The following KCNH8 variants were observed in gnomAD, a reference collection of about 807,000 sequenced individuals.
The protein encoded by KCNH8 is potassium voltage-gated channel subfamily H member 8.
KCNH8 carries 70 observed loss-of-function variants against 103.6 expected under a neutral mutation model. That is an observed-to-expected ratio of 0.68 (90% CI 0.56 to 0.82). The LOEUF is 0.82. Among genes scored for constraint, KCNH8 ranks in the 40% least tolerant of loss-of-function variants. The pLI, the probability that KCNH8 is intolerant of heterozygous loss-of-function variation, is 0.00. For missense variants in KCNH8, 1,217 were observed against 1,329.9 expected (o/e 0.92, Z 1.32); for synonymous variants, 498 against 489.4 (o/e 1.02, Z -0.23).
intron 1 of KCNH8, among the ~76,000 whole-genome samples, chr3:19,186,892 A>G (rs1028239709): frequency 3.3e-5 from 5 of 151,968 alleles, no homozygotes; most frequent in Non-Finnish European, 7.4e-5. Flanking sequence ...ATTGTCAAAC[A>G]TTTTCTGTAA....
chr3:19,531,474 T>C (rs1196709599), intron 15 of KCNH8, among the ~76,000 whole-genome samples: 2 of 152,246 alleles, frequency 1.3e-5, no homozygotes, highest in East Asian at 1.9e-4. Flanking sequence ...AGAGATGTTG[T>C]TGTCTTCAGA....
intron 2 of KCNH8, among the ~76,000 whole-genome samples, chr3:19,275,564 C>A (rs1469340747): frequency 6.6e-6 from 1 of 152,070 alleles, no homozygotes; most frequent in Non-Finnish European, 1.5e-5. Context: ...ATAGATGGTC[C>A]CTGGAAGAAA....
intron 1 of KCNH8, among the ~76,000 whole-genome samples, chr3:19,197,301 T>G (rs2125214679): frequency 6.6e-6 from 1 of 152,150 alleles, no homozygotes; most frequent in East Asian, 1.9e-4. Flanking sequence ...TCATCTTTGT[T>G]TTCTCGGATT....
intron 11 of KCNH8, among the ~76,000 whole-genome samples, chr3:19,486,739 G>A (rs145566089): frequency 4.9e-4 from 74 of 152,188 alleles, no homozygotes; most frequent in Middle Eastern, 6.8e-3. Flanking sequence ...TTGTAGCCCC[G>A]TACAAAGGTT....
At chr3:19,189,412 A>G (rs903498640) in intron 1 of KCNH8, among the ~76,000 whole-genome samples, 1 of 152,000 alleles carries the variant, frequency 6.6e-6, no homozygotes, top group Non-Finnish European at 1.5e-5. Context: ...ATAATTATAT[A>G]GCAGTTCATA....
chr3:19,219,527 G>A (rs924028554), intron 1 of KCNH8, among the ~76,000 whole-genome samples: 1 of 152,150 alleles, frequency 6.6e-6, no homozygotes, highest in African/African-American at 2.4e-5. Flanking sequence ...TGTTGCTTTA[G>A]TTTGAGAGAT....
chr3:19,213,734 A>G (rs185613981), intron 1 of KCNH8, among the ~76,000 whole-genome samples: 4 of 152,302 alleles, frequency 2.6e-5, no homozygotes, highest in African/African-American at 9.6e-5. Context: ...CTTCCCCTTT[A>G]AAGAGAGCAT....
chr3:19,426,094 C>T (rs1465188980), intron 7 of KCNH8, among the ~76,000 whole-genome samples: 1 of 152,142 alleles, frequency 6.6e-6, no homozygotes, highest in Non-Finnish European at 1.5e-5. Context: ...CTCTGCCTTC[C>T]ACCAAGGCCT....
intron 15 of KCNH8, among the ~76,000 whole-genome samples, chr3:19,530,347 T>C (rs1284856398): frequency 6.6e-6 from 1 of 152,194 alleles, no homozygotes; most frequent in Non-Finnish European, 1.5e-5. Flanking sequence ...AGATAGTGGT[T>C]ATACTAATTA....
chr3:19,488,114 GCT>G (rs2068247373), intron 11 of KCNH8, among the ~76,000 whole-genome samples: 1 of 152,148 alleles, frequency 6.6e-6, no homozygotes, highest in African/African-American at 2.4e-5. Context: ...ATTGAACAAA[GCT>G]CTCTCATCTT....
chr3:19,177,132 A>G (rs984666736), intron 1 of KCNH8, among the ~76,000 whole-genome samples: 2 of 152,022 alleles, frequency 1.3e-5, no homozygotes, highest in African/African-American at 4.8e-5. Context: ...AAAATTATCA[A>G]CAAAAAGCAC....
chr3:19,409,684 GAAAACAA>G, intron 7 of KCNH8, among the ~76,000 whole-genome samples: 1 of 152,022 alleles, frequency 6.6e-6, no homozygotes. Context: ...CATGCAAACA[GAAAACAA>G]AAAACAAAGA....
At chr3:19,368,290 A>C (rs1331765766) in intron 5 of KCNH8, among the ~76,000 whole-genome samples, 5 of 152,146 alleles carry the variant, frequency 3.3e-5, no homozygotes, top group Middle Eastern at 3.4e-3. Context: ...GTAAAAGAAG[A>C]GTGGAAACTT....
At chr3:19,218,184 A>G (rs1470229976) in intron 1 of KCNH8, among the ~76,000 whole-genome samples, 1 of 152,176 alleles carries the variant, frequency 6.6e-6, no homozygotes, top group Non-Finnish European at 1.5e-5. Context: ...ACTCAATTTT[A>G]GAATATTTTA....
At chr3:19,198,224 G>C (rs373641623) in intron 1 of KCNH8, among the ~76,000 whole-genome samples, 1 of 152,086 alleles carries the variant, frequency 6.6e-6, no homozygotes, top group East Asian at 1.9e-4. Flanking sequence ...TGAATAAAGA[G>C]GGGCAGTCCA....
chr3:19,341,642 A>G (rs2065661145), intron 3 of KCNH8, among the ~76,000 whole-genome samples: 1 of 152,170 alleles, frequency 6.6e-6, no homozygotes, highest in Non-Finnish European at 1.5e-5. Context: ...CTTTGATTCT[A>G]AAATTGACAA....
In KCNH8 at chr3:19,172,841, A is replaced by G. The variant is rs188910935; in HGVS notation, c.76+24046A>G. Among the ~76,000 whole-genome samples, 111 of 152,246 alleles carry G rather than the reference A, an allele frequency of 7.3e-4. 1 individual carries two copies. The highest frequency in any genetic ancestry group is 1.8e-3 in the Admixed American group (27 of 15,296). ...AGTTACCTTCCCCCTTCCCCCCACC[A>G]GTCTTCTTGATTGTACCATAAAGTT... is the stretch of plus-strand genomic sequence containing the variant. On this transcript the variant is annotated intron_variant, in intron 1 of 15. Coordinates refer to ENST00000328405, the MANE Select transcript of KCNH8 (RefSeq NM_144633.3).
At chr3:19,255,391 A>G (rs1253258763) in intron 2 of KCNH8, among the ~76,000 whole-genome samples, 1 of 152,158 alleles carries the variant, frequency 6.6e-6, no homozygotes, top group Non-Finnish European at 1.5e-5. Context: ...TTCTAGATAT[A>G]AGATCATGTC....
intron 1 of KCNH8, among the ~76,000 whole-genome samples, chr3:19,167,531 T>C (rs2063297681): frequency 6.6e-6 from 1 of 152,210 alleles, no homozygotes; most frequent in Non-Finnish European, 1.5e-5. Context: ...GATTCTACTT[T>C]CCCTCTCAAA....
Sources: gnomAD v4.1 joint callset for allele counts (sites outside exome capture counted in the v4.1 genomes callset) on GRCh38, gnomAD v4.1.1 for gene constraint, MANE v1.5 for transcripts, NCBI Gene and HGNC (gene_info 2026-07-23, HGNC 2026-07-21) for gene names.